ITGA1: variants seen among roughly 807,000 people sequenced by gnomAD.
ITGA1 encodes the protein integrin alpha-1.
In ITGA1, 85 loss-of-function variants were observed where a neutral mutation model predicts 145.9. The ratio of observed to expected loss-of-function variants is 0.58; its 90% confidence interval spans 0.49 to 0.70. ITGA1 has a LOEUF of 0.70. Among genes scored for constraint, ITGA1 ranks in the 30% least tolerant of loss-of-function variants. ITGA1 has a pLI of 0.00. For synonymous variants in ITGA1, 520 were observed against 495.3 expected (o/e 1.05, Z -0.66); for missense variants, 1,351 against 1,418.7 (o/e 0.95, Z 0.77).
At chr5:52,855,504 G>C (rs745667685) in intron 2 of ITGA1, among the ~76,000 whole-genome samples, 65 of 152,096 alleles carry the variant, frequency 4.3e-4, no homozygotes, top group Admixed American at 1.4e-3. Context: ...ACTAGTATGA[G>C]CACTAAGGAT....
intron 12 of ITGA1, among the ~76,000 whole-genome samples, chr5:52,908,389 T>G (rs561437247): frequency 2.6e-5 from 4 of 152,292 alleles, no homozygotes; most frequent in African/African-American, 9.6e-5. Context: ...CTTCCATATT[T>G]TTCTATGTCC....
intron 26 of ITGA1, among the ~76,000 whole-genome samples, chr5:52,943,960 G>A (rs551866280): frequency 1.3e-5 from 2 of 152,286 alleles, no homozygotes; most frequent in African/African-American, 4.8e-5. Flanking sequence ...CAGGCTGGGC[G>A]GCAGAGACTG....
At chr5:52,831,236 G>A (rs1404123775) in intron 1 of ITGA1, among the ~76,000 whole-genome samples, 2 of 151,946 alleles carry the variant, frequency 1.3e-5, no homozygotes, top group African/African-American at 2.4e-5. Context: ...GGGTTCAAGC[G>A]ATTCTCATGC....
At chr5:52,907,689 A>G (rs1363618270) in intron 12 of ITGA1, among the ~76,000 whole-genome samples, 1 of 152,204 alleles carries the variant, frequency 6.6e-6, no homozygotes, top group Non-Finnish European at 1.5e-5. Flanking sequence ...AAGTAAAATC[A>G]AAATAGGTAA....
At chr5:52,810,239 A>G (rs1748664599) in intron 1 of ITGA1, among the ~76,000 whole-genome samples, 1 of 152,206 alleles carries the variant, frequency 6.6e-6, no homozygotes, top group Admixed American at 6.5e-5. Flanking sequence ...CCTCAGGGAA[A>G]GGGAAACTGA....
intron 1 of ITGA1, among the ~76,000 whole-genome samples, chr5:52,848,990 G>T (rs1749383330): frequency 6.6e-6 from 1 of 152,078 alleles, no homozygotes; most frequent in Non-Finnish European, 1.5e-5. Flanking sequence ...ATGGACATTT[G>T]GGTTGGTTCC....
chr5:52,844,446 T>C (rs978994831), intron 1 of ITGA1, among the ~76,000 whole-genome samples: 3 of 152,210 alleles, frequency 2.0e-5, no homozygotes, highest in Admixed American at 6.5e-5. Context: ...AGGACTAAGA[T>C]GTAAAAATTG....
intron 7 of ITGA1, among the ~76,000 whole-genome samples, chr5:52,887,538 C>T (rs924505186): frequency 6.6e-6 from 1 of 152,172 alleles, no homozygotes; most frequent in Non-Finnish European, 1.5e-5. Context: ...GTCACACCCT[C>T]CCTTTGAAAT....
At chr5:52,951,958 G>A (rs922950608) in intron 28 of ITGA1, among the ~76,000 whole-genome samples, 25 of 152,120 alleles carry the variant, frequency 1.6e-4, no homozygotes, top group African/African-American at 4.6e-4. Context: ...TTGGGAGGCC[G>A]AGGCAGGCAG....
intron 22 of ITGA1, chr5:52,932,973 GC>G (rs1750913929): frequency 6.9e-6 from 1 of 145,238 alleles, no homozygotes; most frequent in South Asian, 2.3e-4. Context: ...CATTTCACAT[GC>G]TTTTTTTTTT....
chr5:52,946,713 C>G (rs1452293605), intron 27 of ITGA1, among the ~76,000 whole-genome samples: 1 of 152,064 alleles, frequency 6.6e-6, no homozygotes, highest in Non-Finnish European at 1.5e-5. Context: ...GTAGCTGGAA[C>G]ACTAAAAGCG....
intron 1 of ITGA1, among the ~76,000 whole-genome samples, chr5:52,796,576 G>A (rs1162874975): frequency 6.6e-6 from 1 of 151,952 alleles, no homozygotes; most frequent in Non-Finnish European, 1.5e-5. Flanking sequence ...CCATTATTAA[G>A]TGAAATACAG....
intron 2 of ITGA1, among the ~76,000 whole-genome samples, chr5:52,853,148 T>G (rs1749454745): frequency 6.6e-6 from 1 of 152,150 alleles, no homozygotes; most frequent in Non-Finnish European, 1.5e-5. Flanking sequence ...TATGGAAAAG[T>G]TGTGAAAAAT....
chr5:52,838,977 G>A (rs922661958), intron 1 of ITGA1, among the ~76,000 whole-genome samples: 2 of 152,152 alleles, frequency 1.3e-5, no homozygotes, highest in Middle Eastern at 3.4e-3. Context: ...TGTGCCTCTG[G>A]TCTTAGCTAC....
chr5:52,825,118 C>G (rs573194963), intron 1 of ITGA1: 5 of 152,318 alleles, frequency 3.3e-5, no homozygotes, highest in Admixed American at 3.3e-4. Context: ...TCCCTTCCCT[C>G]TGCTCCTGGG....
chr5:52,933,222 G>GA (rs1277825372), intron 22 of ITGA1: 6 of 151,982 alleles, frequency 3.9e-5, no homozygotes, highest in African/African-American at 1.4e-4. Flanking sequence ...AAAATGGCAT[G>GA]ATTATAGGAC....
In ITGA1 at chr5:52,956,522, C is replaced by T. The variant is rs1202792131; in HGVS notation, c.*4071C>T. 6.6e-6 allele frequency: 1 copy of T among 152,158 alleles called. No individual in the cohort carries two copies. Among genetic ancestry groups the T allele is most frequent in the Non-Finnish European group, 1.5e-5 (1 of 68,036 alleles). The allele number at this position is 152,158 out of a possible 1,614,324, so 9.4% of individuals were successfully genotyped here. A position where few individuals can be genotyped will look rare whatever the true frequency, so the allele number is the denominator to read the frequency against. On this transcript the variant is annotated 3_prime_UTR_variant, in exon 29 of 29. Transcript: ENST00000282588. Reference sequence around the variant, plus strand: ...AGCTTCAGTGACTCAATCATTTATACAGGATTTCAGTGTTTTGTTCTGCAG... The same window carrying T: ...AGCTTCAGTGACTCAATCATTTATATAGGATTTCAGTGTTTTGTTCTGCAG...
intron 1 of ITGA1, among the ~76,000 whole-genome samples, chr5:52,806,226 TACAC>T (rs55760998): frequency 0.26 from 38,660 of 150,722 alleles, 5,273 homozygotes; most frequent in Non-Finnish European, 0.3. Context: ...GTAAAAGTGT[TACAC>T]ACAGCCAACA....
chr5:52,940,285 A>G (rs1488170620), intron 26 of ITGA1, among the ~76,000 whole-genome samples: 4 of 151,896 alleles, frequency 2.6e-5, no homozygotes, highest in Non-Finnish European at 4.4e-5. Flanking sequence ...AGAGTATAAT[A>G]AAGTGGCAAC....
Sources: allele counts gnomAD v4.1 joint callset (sites outside exome capture counted in the v4.1 genomes callset), GRCh38; gene constraint gnomAD v4.1.1; transcripts MANE v1.5; gene names NCBI Gene and HGNC (gene_info 2026-07-23, HGNC 2026-07-21).